TMEM132D: variants seen among roughly 807,000 people sequenced by gnomAD.
TMEM132D encodes the protein transmembrane protein 132D.
Under a neutral mutation model 62.3 loss-of-function variants are expected in TMEM132D, and 21 were observed. The ratio of observed to expected loss-of-function variants is 0.34; its 90% CI spans 0.24 to 0.49. The LOEUF is 0.49. Ranked by LOEUF, TMEM132D falls within the 20% of genes least tolerant of loss-of-function variation. The pLI is 0.99. For synonymous variants in TMEM132D, 621 were observed against 575.6 expected (o/e 1.08, Z -1.13); for missense variants, 1,346 against 1,402.8 (o/e 0.96, Z 0.65).
At chr12:129,560,012 G>A (rs1306781438) in intron 2 of TMEM132D, among the ~76,000 whole-genome samples, 1 of 152,186 alleles carries the variant, frequency 6.6e-6, no homozygotes, top group Non-Finnish European at 1.5e-5. Context: ...GTTGAGGCCA[G>A]AACAATGTAT....
intron 2 of TMEM132D, among the ~76,000 whole-genome samples, chr12:129,649,620 T>C (rs1879868911): frequency 6.6e-6 from 1 of 152,144 alleles, no homozygotes; most frequent in South Asian, 2.1e-4. Flanking sequence ...ATTTTAAACA[T>C]ACAATAGGGT....
At chr12:129,509,161 G>A (rs1875427028) in intron 3 of TMEM132D, among the ~76,000 whole-genome samples, 2 of 152,022 alleles carry the variant, frequency 1.3e-5, no homozygotes, top group Non-Finnish European at 2.9e-5. Context: ...AATTTTCTGA[G>A]GCCACTTTTA....
intron 2 of TMEM132D, among the ~76,000 whole-genome samples, chr12:129,551,164 C>T (rs1202336070): frequency 6.6e-6 from 1 of 152,272 alleles, no homozygotes; most frequent in East Asian, 1.9e-4. Context: ...CCAAGACTTC[C>T]TGGCTGAGGC....
intron 2 of TMEM132D, among the ~76,000 whole-genome samples, chr12:129,682,485 C>G (rs1310474802): frequency 6.6e-6 from 1 of 152,102 alleles, no homozygotes; most frequent in East Asian, 1.9e-4. Flanking sequence ...AAACACAGCC[C>G]TTTTGTTTTG....
At chr12:129,085,031 G>A (rs1365182514) in intron 5 of TMEM132D, 1 of 458,444 alleles carries the variant, frequency 2.2e-6, no homozygotes, top group African/African-American at 2.0e-5. Flanking sequence ...GGTGAGTGGA[G>A]CTGTGTCCCT....
chr12:129,489,284 C>G (rs978967699), intron 3 of TMEM132D, among the ~76,000 whole-genome samples: 1 of 152,106 alleles, frequency 6.6e-6, no homozygotes, highest in Non-Finnish European at 1.5e-5. Flanking sequence ...GGGCTCAGAG[C>G]CAATTTAGAA....
Position 129,074,582 on chromosome 12 carries a change from T to C in TMEM132D, c.2593A>G (p.Lys865Glu). The C allele has an allele frequency of 6.2e-7, 1 of 1,614,060 alleles. No individual in the cohort carries two copies. The highest frequency in any genetic ancestry group is 8.5e-7 in the Non-Finnish European group (1 of 1,180,012). The change falls in exon 9 of 9, where the codon AAG (lysine) becomes GAG (glutamate). Residue 865 changes from lysine to glutamate, a missense_variant. Lys to Glu is a moderately conservative substitution (Grantham distance 56, BLOSUM62 1). Coordinates refer to ENST00000422113, the MANE Select transcript of TMEM132D (RefSeq NM_133448.3). The part of the protein sequence containing the change: ...TTTDRSILQK[K>E]KGQESLLDDN... ...TCTAAAAGGCTTTCCTGGCCTTTCT[T>C]CTTCTGCAGGATGGACCTGTCTGTC...
chr12:129,586,951 T>G (rs984786336), intron 2 of TMEM132D, among the ~76,000 whole-genome samples: 57 of 152,152 alleles, frequency 3.7e-4, no homozygotes, highest in African/African-American at 1.4e-3. Context: ...CTTCACACAG[T>G]CAAAATACAT....
chr12:129,191,750 A>G (rs1280592836), intron 5 of TMEM132D, among the ~76,000 whole-genome samples: 1 of 151,066 alleles, frequency 6.6e-6, no homozygotes. Flanking sequence ...ATAATGAACC[A>G]TACACACACA....
At chr12:129,274,018 C>A (rs1488417211) in intron 4 of TMEM132D, among the ~76,000 whole-genome samples, 1 of 151,648 alleles carries the variant, frequency 6.6e-6, no homozygotes, top group East Asian at 1.9e-4. Flanking sequence ...TTTAGACATA[C>A]CCTATACTTC....
intron 3 of TMEM132D, among the ~76,000 whole-genome samples, chr12:129,367,777 C>CTTTTTTTTTTT (rs60004106): frequency 2.9e-4 from 36 of 122,282 alleles, no homozygotes; most frequent in Non-Finnish European, 4.0e-4. Flanking sequence ...CATTTCTTTT[C>CTTTTTTTTTTT]TTTTTTTTTT....
chr12:129,402,992 G>A (rs2135701274), intron 3 of TMEM132D, among the ~76,000 whole-genome samples: 1 of 152,140 alleles, frequency 6.6e-6, no homozygotes, highest in Admixed American at 6.5e-5. Context: ...TGCTTGTTTG[G>A]GCTGTGTTTT....
At chr12:129,688,097 G>C (rs997460833) in intron 2 of TMEM132D, among the ~76,000 whole-genome samples, 12 of 152,132 alleles carry the variant, frequency 7.9e-5, no homozygotes, top group Admixed American at 2.0e-4. Context: ...AGAGGGCCTT[G>C]AGCTGGAGCC....
At chr12:129,250,580 T>G (rs1034675659) in intron 4 of TMEM132D, among the ~76,000 whole-genome samples, 11 of 152,202 alleles carry the variant, frequency 7.2e-5, no homozygotes, top group African/African-American at 2.4e-4. Context: ...CTGTGAGGAC[T>G]TCAACTGTCC....
chr12:129,336,954 C>T (rs1869302510), intron 4 of TMEM132D, among the ~76,000 whole-genome samples: 1 of 152,176 alleles, frequency 6.6e-6, no homozygotes, highest in South Asian at 2.1e-4. Context: ...AAGCAAAGGG[C>T]ACGGCCGTCT....
At chr12:129,664,085 A>G (rs1483066049) in intron 2 of TMEM132D, among the ~76,000 whole-genome samples, 1 of 152,186 alleles carries the variant, frequency 6.6e-6, no homozygotes, top group Non-Finnish European at 1.5e-5. Context: ...TTTCATTTCT[A>G]TTTTTAAAAA....
chr12:129,876,075 C>T (rs565197652), intron 1 of TMEM132D, among the ~76,000 whole-genome samples: 2 of 152,276 alleles, frequency 1.3e-5, no homozygotes, highest in South Asian at 2.1e-4. Context: ...AAACATGGTT[C>T]CTGGTCTCCA....
intron 5 of TMEM132D, among the ~76,000 whole-genome samples, chr12:129,135,039 G>C (rs565621539): frequency 2.0e-5 from 3 of 152,286 alleles, no homozygotes; most frequent in Non-Finnish European, 2.9e-5. Context: ...GACAGGTGGA[G>C]GAAATCAATG....
At chr12:129,192,354 T>C (rs1466155487) in intron 5 of TMEM132D, among the ~76,000 whole-genome samples, 1 of 152,242 alleles carries the variant, frequency 6.6e-6, no homozygotes. Context: ...TAGTTTTACT[T>C]AGAAGAACTT....
Sources: gnomAD v4.1 joint callset for allele counts (sites outside exome capture counted in the v4.1 genomes callset) on GRCh38, gnomAD v4.1.1 for gene constraint, MANE v1.5 for transcripts, NCBI Gene and HGNC (gene_info 2026-07-23, HGNC 2026-07-21) for gene names.